Variants in SNX8 observed in about 807,000 individuals in gnomAD.
The protein encoded by SNX8 is sorting nexin 8.
In SNX8, 25 loss-of-function variants were observed where a neutral mutation model predicts 51.6. The ratio of observed to expected loss-of-function variants is 0.48; its 90% CI spans 0.35 to 0.68. The LOEUF (loss-of-function observed/expected upper bound fraction) is 0.68, where lower values mean the gene tolerates loss of function less well. SNX8 is among the 30% of genes least tolerant of loss of function. The pLI, the probability that SNX8 is intolerant of heterozygous loss-of-function variation, is 0.00. For missense variants in SNX8, 695 were observed against 624.0 expected (o/e 1.11, Z -1.21); for synonymous variants, 324 against 277.0 (o/e 1.17, Z -1.68).
At chr7:2,257,863 G>A in intron 7 of SNX8, 60 bp from the exon 8 acceptor site, 1 of 1,518,894 alleles carries the variant, frequency 6.6e-7, no homozygotes, top group Admixed American at 1.7e-5. Flanking sequence ...CCCTGCCCGG[G>A]AACTCAGACC....
chr7:2,347,995 C>T (rs144306234), intron 1 of SNX8, among the ~76,000 whole-genome samples: 2 of 152,122 alleles, frequency 1.3e-5, no homozygotes, highest in African/African-American at 2.4e-5. Context: ...AAGTGCCCTG[C>T]GAGATTGGAC....
At chr7:2,262,242 G>A (rs538319141) in intron 7 of SNX8, among the ~76,000 whole-genome samples, 7 of 152,204 alleles carry the variant, frequency 4.6e-5, no homozygotes, top group African/African-American at 1.2e-4. Context: ...ATCTTGCTCT[G>A]TTGCCCAGGG....
At position 2,306,872 on chromosome 7, in the gene SNX8, G is replaced by T. The variant is rs1012473013; in HGVS notation, c.94+7456C>A. Among the ~76,000 whole-genome samples, 55 of 152,104 alleles carry T rather than the reference G, an allele frequency of 3.6e-4. 1 individual carries two copies. Among genetic ancestry groups the T allele is most frequent in the Admixed American group, 3.4e-3 (52 of 15,250 alleles). On this transcript the variant is annotated intron_variant, in intron 1 of 10. Coordinates refer to ENST00000222990, the MANE Select transcript of SNX8 (RefSeq NM_013321.4). ...CTCATCAGGCTCCTGGTGGACACCC[G>T]CACAAATCAGGTTTTGGAAGATTCC...
intron 5 of SNX8, among the ~76,000 whole-genome samples, chr7:2,266,679 T>C (rs577412864): frequency 6.6e-6 from 1 of 152,084 alleles, no homozygotes; most frequent in East Asian, 1.9e-4. Flanking sequence ...TTTTTTGTTT[T>C]CCTTTTTTGT....
intron 1 of SNX8, among the ~76,000 whole-genome samples, chr7:2,303,108 G>A (rs1250235087): frequency 2.1e-4 from 29 of 139,640 alleles, no homozygotes; most frequent in Middle Eastern, 5.2e-3. Flanking sequence ...AGGGAGGTGG[G>A]GGGGTCAGCC....
At chr7:2,262,958 A>C (rs1795372334) in intron 7 of SNX8, among the ~76,000 whole-genome samples, 1 of 152,220 alleles carries the variant, frequency 6.6e-6, no homozygotes, top group Non-Finnish European at 1.5e-5. Flanking sequence ...TCTCTACTAA[A>C]AATACAAAAA....
chr7:2,257,842 T>C (rs1795230179), intron 7 of SNX8, 39 bp from the exon 8 acceptor site: 2 of 1,588,782 alleles, frequency 1.3e-6, no homozygotes, highest in South Asian at 1.1e-5. Flanking sequence ...CGGACGCACA[T>C]AGGACCCGGT....
chr7:2,286,150 T>G (rs1796023557), intron 1 of SNX8, among the ~76,000 whole-genome samples: 1 of 151,824 alleles, frequency 6.6e-6, no homozygotes, highest in African/African-American at 2.4e-5. Context: ...CAGCTGGGAT[T>G]ACAGGCACAC....
In SNX8 at chr7:2,283,078, G is replaced by A. The variant is rs533135734; in HGVS notation, c.95-4773C>T. Among the ~76,000 whole-genome samples, 19 of 151,240 alleles carry A rather than the reference G, an allele frequency of 1.3e-4. No homozygotes were observed. In the East Asian group the frequency reaches 1.4e-3, roughly 11 times the overall value. ...GGAGCTTGCAGTGAGCAGAGATCGC[G>A]CCACTGCACTCCAGCCTGGGCGACA... On this transcript the variant is annotated intron_variant, in intron 1 of 10. Transcript: ENST00000222990.
intron 1 of SNX8, among the ~76,000 whole-genome samples, chr7:2,300,177 T>TAAA (rs1796360532): frequency 6.6e-6 from 1 of 152,182 alleles, no homozygotes; most frequent in African/African-American, 2.4e-5. Flanking sequence ...AAGGCTGGAC[T>TAAA]CTCATCTGGT....
At chr7:2,262,403 G>A (rs115743847) in intron 7 of SNX8, among the ~76,000 whole-genome samples, 146 of 152,252 alleles carry the variant, frequency 9.6e-4, no homozygotes, top group Middle Eastern at 3.4e-3. Flanking sequence ...AGTAAACACC[G>A]TATCTTCAAA....
chr7:2,288,878 G>A (rs1380727537), intron 1 of SNX8, among the ~76,000 whole-genome samples: 1 of 152,078 alleles, frequency 6.6e-6, no homozygotes, highest in East Asian at 1.9e-4. Context: ...TGGGACCACA[G>A]GCACATGCCA....
chr7:2,308,255 G>C lies in SNX8; in HGVS notation c.94+6073C>G, dbSNP rs566596850. Among the ~76,000 whole-genome samples the C allele has an allele frequency of 2.0e-5, 3 of 152,076 alleles. No individual in the cohort carries two copies. In the South Asian group the frequency reaches 6.2e-4, roughly 32 times the overall value. On this transcript the variant is annotated intron_variant, in intron 1 of 10. Coordinates refer to ENST00000222990, the MANE Select transcript of SNX8 (RefSeq NM_013321.4). Reference sequence around the variant, plus strand: ...AGATACTGTGGTTAAAGAAAAATAGGTTTCTGTTTTCTGGAGAGAGCCAGA... The same window carrying C: ...AGATACTGTGGTTAAAGAAAAATAGCTTTCTGTTTTCTGGAGAGAGCCAGA...
chr7:2,263,598 CAT>C (rs1163627382), intron 6 of SNX8, among the ~76,000 whole-genome samples: 2 of 152,228 alleles, frequency 1.3e-5, no homozygotes, highest in Non-Finnish European at 2.9e-5. Flanking sequence ...CCCCAGGTGA[CAT>C]GTGTGCACAG....
chr7:2,338,946 T>C (rs368556131), intron 1 of SNX8, among the ~76,000 whole-genome samples: 3 of 152,160 alleles, frequency 2.0e-5, no homozygotes, highest in Non-Finnish European at 2.9e-5. Context: ...AGATCTGTCC[T>C]GTCACCCAGG....
At chr7:2,303,680 T>C (rs1358456565) in intron 1 of SNX8, among the ~76,000 whole-genome samples, 3 of 152,164 alleles carry the variant, frequency 2.0e-5, no homozygotes, top group Non-Finnish European at 4.4e-5. Flanking sequence ...CTCTGAAACA[T>C]GTGCTGTGTC....
At chr7:2,260,255 G>A (rs999706675) in intron 7 of SNX8, among the ~76,000 whole-genome samples, 5 of 152,042 alleles carry the variant, frequency 3.3e-5, no homozygotes, top group East Asian at 1.9e-4. Flanking sequence ...CCGCCACCAC[G>A]CCTGGCTAAT....
chr7:2,301,194 T>G (rs1207808050), intron 1 of SNX8, among the ~76,000 whole-genome samples: 1 of 152,210 alleles, frequency 6.6e-6, no homozygotes, highest in Non-Finnish European at 1.5e-5. Flanking sequence ...GAAAGCTCCA[T>G]GCCTACGAAT....
intron 1 of SNX8, among the ~76,000 whole-genome samples, chr7:2,351,622 G>T (rs13309169): frequency 0.37 from 55,949 of 151,464 alleles, 12,921 homozygotes; most frequent in East Asian, 0.77. Context: ...CACGAGGTCA[G>T]GAGAGTGAGA....
Sources: allele counts gnomAD v4.1 joint callset (sites outside exome capture counted in the v4.1 genomes callset), GRCh38; gene constraint gnomAD v4.1.1; transcripts MANE v1.5; gene names NCBI Gene and HGNC (gene_info 2026-07-23, HGNC 2026-07-21).